FNBP4: variants seen among roughly 807,000 people sequenced by gnomAD.
FNBP4 encodes the protein formin-binding protein 4.
Under a neutral mutation model 119.3 loss-of-function variants are expected in FNBP4, and 34 were observed. The ratio of observed to expected loss-of-function variants is 0.28; its 90% CI spans 0.22 to 0.38. The LOEUF (loss-of-function observed/expected upper bound fraction) is 0.38, where lower values mean the gene tolerates loss of function less well. FNBP4 is among the 10% of genes least tolerant of loss of function. The probability of loss-of-function intolerance (pLI) is 1.00; values close to 1 mark genes in which losing one functional copy is unlikely to be tolerated. For synonymous variants in FNBP4, 462 were observed against 430.6 expected (o/e 1.07, Z -0.90); for missense variants, 1,112 against 1,228.9 (o/e 0.90, Z 1.42).
chr11:47,729,203 A>G (rs1318946512), intron 12 of FNBP4: 29 of 985,258 alleles, frequency 2.9e-5, no homozygotes, highest in Non-Finnish European at 3.5e-5. Context: ...TTCCCCCCAA[A>G]GAGAAATTAT....
chr11:47,733,478 G>A (rs2097569973), intron 10 of FNBP4, among the ~76,000 whole-genome samples: 1 of 152,070 alleles, frequency 6.6e-6, no homozygotes, highest in Non-Finnish European at 1.5e-5. Flanking sequence ...TGGGATTACA[G>A]GCATGTGCCA....
Position 47,734,037 on chromosome 11 carries a change from G to A in FNBP4, c.1674C>T (p.Leu558=), listed in dbSNP as rs1477590477. The stretch of plus-strand genomic sequence containing the variant: ...AAAAAAGACTTACCTCAGTCTGTAA[G>A]AGCAGCACATGAAAGTTGGAGATGG... ...RQSISNFHVL[L]LQTETRIADW... The change falls in exon 10 of 17, where the codon CTC becomes CTT. Residue 558 remains leucine (L), a synonymous_variant. Coordinates refer to ENST00000263773, the MANE Select transcript of FNBP4 (RefSeq NM_015308.5). 2.8e-6 allele frequency: 4 copies of A among 1,418,368 alleles called. No homozygotes were observed. Among genetic ancestry groups the A allele is most frequent in the South Asian group, 1.3e-5 (1 of 77,930 alleles). 87.9% of individuals were successfully genotyped at this position (1,418,368 alleles called of 1,614,324 possible).
At chr11:47,725,767 A>C in intron 12 of FNBP4, 4 of 981,952 alleles carry the variant, frequency 4.1e-6, no homozygotes, top group Non-Finnish European at 4.8e-6. Context: ...CTTTATCGTC[A>C]ATAGGGAAGT....
At chr11:47,765,577 GGGGGGC>G (rs1321001532) in intron 1 of FNBP4, among the ~76,000 whole-genome samples, 19 of 108,870 alleles carry the variant, frequency 1.7e-4, no homozygotes, top group South Asian at 3.6e-4. Flanking sequence ...CGGGGGGGGG[GGGGGGC>G]CACTTGAGGT....
intron 14 of FNBP4, 46 bp downstream of exon 14, chr11:47,723,982 A>G: frequency 6.4e-7 from 1 of 1,571,550 alleles, no homozygotes; most frequent in Non-Finnish European, 8.6e-7. Flanking sequence ...GCTGAAAAGA[A>G]AAGAAACAAT....
intron 16 of FNBP4, among the ~76,000 whole-genome samples, chr11:47,719,614 G>A (rs12286178): frequency 1.4e-5 from 2 of 138,762 alleles, no homozygotes; most frequent in Non-Finnish European, 1.6e-5. Flanking sequence ...GTGTGTGTGT[G>A]TATAAAAGGG....
intron 8 of FNBP4, among the ~76,000 whole-genome samples, chr11:47,740,899 T>C (rs541380161): frequency 6.6e-6 from 1 of 150,570 alleles, no homozygotes; most frequent in Non-Finnish European, 1.5e-5. Flanking sequence ...CACATTTTTT[T>C]TGTGTGTGTG....
Position 47,724,512 on chromosome 11 carries a change from T to C in FNBP4, c.2275A>G (p.Thr759Ala), listed in dbSNP as rs758135384. ...GTTTGTGCTGAAGGTTTCAAAGGGGTATCTTCCTCTGTTCCTGGGGCAGGG... is the reference window on the plus strand; with the variant it reads ...GTTTGTGCTGAAGGTTTCAAAGGGGCATCTTCCTCTGTTCCTGGGGCAGGG... The part of the protein sequence containing the change: ...EPPAPGTEED[T>A]PLKPSAQTTV... Residue 759 changes from threonine to alanine, a missense_variant, in exon 13 of 17, where the codon ACC becomes GCC. By Grantham distance (58) the Thr-to-Ala change is moderately conservative. This residue lies in a region of FNBP4 where 826 missense variants were observed against 988.8 expected (regional missense o/e 0.84). Coordinates refer to ENST00000263773, the MANE Select transcript of FNBP4 (RefSeq NM_015308.5). 41 of 1,614,082 alleles carry C rather than the reference T, an allele frequency of 2.5e-5. No individual in the cohort carries two copies. Among genetic ancestry groups the C allele is most frequent in the Admixed American group, 3.3e-5 (2 of 60,006 alleles).
intron 12 of FNBP4, among the ~76,000 whole-genome samples, chr11:47,728,871 GAT>G (rs1209727626): frequency 1.1e-3 from 67 of 62,656 alleles, no homozygotes; most frequent in African/African-American, 3.6e-3. Context: ...TTTTTTTTTA[GAT>G]AAAGAGTTTT....
chr11:47,765,424 G>C (rs1195395643), intron 1 of FNBP4, 62 bp from the exon 2 acceptor site: 4 of 938,322 alleles, frequency 4.3e-6, no homozygotes, highest in East Asian at 5.2e-5. Flanking sequence ...GAAAACTGCA[G>C]TCAGATTCCA....
At chr11:47,727,967 C>T (rs901290691) in intron 12 of FNBP4, among the ~76,000 whole-genome samples, 1 of 152,120 alleles carries the variant, frequency 6.6e-6, no homozygotes, top group African/African-American at 2.4e-5. Flanking sequence ...ACAACCTCCG[C>T]CTCCTGGGTT....
Position 47,717,422 on chromosome 11 carries a change from CTA to C in FNBP4, c.3052_3053del (p.Ter1018ValfsTer21). On this transcript the variant is annotated frameshift_variant and stop_lost, in exon 17 of 17. Transcript: ENST00000263773. LOFTEE classifies it high-confidence loss of function. ...LKRRKMAPNT* is the reference protein window; with the variant it reads ...LKRRKMAPNTX ...CAAAAAAGTTTTAAAAACTTAAAAA[CTA>C]TGTGTTTGGAGCCATTTTCCTTCTC... The C allele has an allele frequency of 6.2e-7, 1 of 1,605,786 alleles. No homozygotes were observed. Among genetic ancestry groups the C allele is most frequent in the Non-Finnish European group, 8.5e-7 (1 of 1,175,702 alleles).
intron 4 of FNBP4, among the ~76,000 whole-genome samples, chr11:47,751,567 C>T (rs1183849390): frequency 6.6e-6 from 1 of 152,010 alleles, no homozygotes; most frequent in African/African-American, 2.4e-5. Flanking sequence ...TAGGGGCACC[C>T]CCCAACACTG....
intron 6 of FNBP4, among the ~76,000 whole-genome samples, chr11:47,748,897 T>C (rs1021304035): frequency 3.3e-5 from 5 of 152,134 alleles, no homozygotes; most frequent in African/African-American, 9.7e-5. Context: ...TCCGCCTGCC[T>C]TGACCTCTCG....
At chr11:47,719,480 C>A (rs1599151549) in intron 16 of FNBP4, among the ~76,000 whole-genome samples, 1 of 151,922 alleles carries the variant, frequency 6.6e-6, no homozygotes, top group Admixed American at 6.6e-5. Flanking sequence ...AAACTTTATT[C>A]TAATTCTGTA....
In FNBP4 at chr11:47,767,316, T is replaced by G. The variant is rs913923016; in HGVS notation, c.-28A>C. 8.9e-6 allele frequency: 13 copies of G among 1,456,210 alleles called. No homozygotes were observed. In the African/African-American group the frequency reaches 1.9e-4, roughly 21 times the overall value. The allele number at this position is 1,456,210 out of a possible 1,614,324, so 90.2% of individuals were successfully genotyped here. On this transcript the variant is annotated 5_prime_UTR_variant, in exon 1 of 17. Transcript: ENST00000263773. ...CGAGCCCAAGCGCGAGCAGAGAGCG[T>G]CGGGCGGCCGAGAGGGGCGGGCACT...
intron 11 of FNBP4, 95 bp from the exon 12 acceptor site, chr11:47,731,656 C>G: frequency 2.0e-6 from 3 of 1,503,326 alleles, no homozygotes; most frequent in Non-Finnish European, 2.6e-6. Context: ...TCTGCTTTCA[C>G]AGGGACGAAC....
chr11:47,755,876 T>C (rs1008333434), intron 2 of FNBP4, among the ~76,000 whole-genome samples: 8 of 152,148 alleles, frequency 5.3e-5, no homozygotes, highest in African/African-American at 1.9e-4. Context: ...TCAATCTCAC[T>C]CTCTTTCCAA....
At chr11:47,731,870 T>C (rs2135109383) in intron 11 of FNBP4, 1 of 1,055,962 alleles carries the variant, frequency 9.5e-7, no homozygotes, top group East Asian at 7.2e-5. Context: ...CAAGTTTCAT[T>C]AATGAAGGGA....
Sources: gnomAD v4.1 joint callset for allele counts (sites outside exome capture counted in the v4.1 genomes callset) on GRCh38, gnomAD v4.1.1 for gene constraint, gnomAD v4.1.1 regional missense constraint, MANE v1.5 for transcripts, NCBI Gene and HGNC (gene_info 2026-07-23, HGNC 2026-07-21) for gene names.